MBOAT2: variants seen among roughly 807,000 people sequenced by gnomAD.
MBOAT2 encodes the protein membrane-bound glycerophospholipid O-acyltransferase 2.
Under a neutral mutation model 63.4 loss-of-function variants are expected in MBOAT2, and 28 were observed. The ratio of observed to expected loss-of-function variants is 0.44; its 90% CI spans 0.33 to 0.61. The LOEUF (loss-of-function observed/expected upper bound fraction) is 0.61. MBOAT2 is among the 20% of genes least tolerant of loss of function. The probability of loss-of-function intolerance (pLI) is 0.03; values close to 1 mark genes in which losing one functional copy is unlikely to be tolerated. For missense variants in MBOAT2, 470 were observed against 605.8 expected (o/e 0.78, Z 2.35); for synonymous variants, 211 against 215.6 (o/e 0.98, Z 0.19).
intron 1 of MBOAT2, among the ~76,000 whole-genome samples, chr2:8,971,566 G>A (rs1670459880): frequency 1.3e-5 from 2 of 152,182 alleles, no homozygotes; most frequent in African/African-American, 4.8e-5. Context: ...AGGAAAAGAG[G>A]AAGTCAAATT....
chr2:8,893,936 A>T (rs1664215747), intron 4 of MBOAT2, among the ~76,000 whole-genome samples: 1 of 152,134 alleles, frequency 6.6e-6, no homozygotes, highest in Admixed American at 6.5e-5. Context: ...CCAGCTTCTC[A>T]GCCTCAGGAA....
intron 5 of MBOAT2, among the ~76,000 whole-genome samples, chr2:8,884,094 G>C (rs1013218012): frequency 5.4e-5 from 8 of 149,468 alleles, no homozygotes; most frequent in African/African-American, 2.0e-4. Context: ...AAATTAGTTG[G>C]GTGTGGCGGC....
At chr2:8,884,768 A>T (rs1044480358) in intron 5 of MBOAT2, among the ~76,000 whole-genome samples, 1 of 152,352 alleles carries the variant, frequency 6.6e-6, no homozygotes, top group Middle Eastern at 3.4e-3. Flanking sequence ...GTAGACACAG[A>T]GCTTAAAGGA....
Position 8,943,254 on chromosome 2 carries a change from G to T in MBOAT2, c.232C>A (p.His78Asn), listed in dbSNP as rs1668176349. ...ALFCFGWYAL[H>N]FLVQSGISYC... is the part of the protein sequence containing the mutation. ...GAAATTCCACTTTGTACAAGAAAGT[G>T]TAAGGCATACCTATAAAAAGTAAGA... Residue 78 changes from histidine to asparagine, a missense_variant, in exon 3 of 13, where the codon CAC becomes AAC. Coordinates refer to ENST00000305997, the MANE Select transcript of MBOAT2 (RefSeq NM_138799.4). The T allele has an allele frequency of 9.5e-6, 15 of 1,571,860 alleles. No homozygotes were observed. Among genetic ancestry groups the T allele is most frequent in the African/African-American group, 1.3e-5 (1 of 74,234 alleles).
chr2:8,997,177 T>C (rs1271155700), intron 1 of MBOAT2, among the ~76,000 whole-genome samples: 1 of 152,248 alleles, frequency 6.6e-6, no homozygotes, highest in African/African-American at 2.4e-5. Flanking sequence ...GTCGTATTTA[T>C]GGCTGCTTTT....
chr2:8,917,973 AT>A (rs1344718041), intron 3 of MBOAT2, among the ~76,000 whole-genome samples: 1 of 152,242 alleles, frequency 6.6e-6, no homozygotes, highest in East Asian at 1.9e-4. Flanking sequence ...GACACAAAAG[AT>A]TACATAATGT....
intron 1 of MBOAT2, among the ~76,000 whole-genome samples, chr2:8,970,649 A>G (rs931680137): frequency 5.9e-5 from 9 of 152,194 alleles, no homozygotes; most frequent in African/African-American, 2.2e-4. Context: ...AAGAAATGAG[A>G]GAAGAATCAA....
chr2:8,902,995 T>G (rs1282276515), intron 4 of MBOAT2, among the ~76,000 whole-genome samples: 1 of 152,172 alleles, frequency 6.6e-6, no homozygotes, highest in Non-Finnish European at 1.5e-5. Context: ...GTCCGTTTTA[T>G]AGAGTGCTGA....
In MBOAT2 at chr2:8,862,224, G is replaced by T; in HGVS notation, c.1185+366C>A. The T allele has an allele frequency of 8.9e-7, 1 of 1,124,478 alleles. No homozygotes were observed. Among genetic ancestry groups the T allele is most frequent in the Non-Finnish European group, 1.2e-6 (1 of 859,394 alleles). The allele number at this position is 1,124,478 out of a possible 1,614,324, so 69.7% of individuals were successfully genotyped here. On this transcript the variant is annotated intron_variant, in intron 11 of 12. Coordinates refer to ENST00000305997, the MANE Select transcript of MBOAT2 (RefSeq NM_138799.4). The surrounding 1 kb of genome is among the most constrained non-coding windows in gnomAD (Gnocchi z 4.3). Reference sequence around the variant, plus strand: ...ACAGCCTAGTCTTCATCTGAGAGAGGACTCAAAGGTTACAGCTTTCAGGAA... The same window carrying T: ...ACAGCCTAGTCTTCATCTGAGAGAGTACTCAAAGGTTACAGCTTTCAGGAA...
intron 1 of MBOAT2, among the ~76,000 whole-genome samples, chr2:8,965,855 A>G (rs898009408): frequency 6.6e-6 from 1 of 152,180 alleles, no homozygotes; most frequent in Non-Finnish European, 1.5e-5. Context: ...AGCATTCTAC[A>G]CTAAGCCAAA....
At position 8,857,730 on chromosome 2, in the gene MBOAT2, A is replaced by G. The variant is rs2148501074; in HGVS notation, c.*949T>C. On this transcript the variant is annotated 3_prime_UTR_variant, in exon 13 of 13. Coordinates refer to ENST00000305997, the MANE Select transcript of MBOAT2 (RefSeq NM_138799.4). Reference sequence around the variant, plus strand: ...CAAAGCCTCTAATTCTACATAATTTATGCCTGATAAATTTAATTTAGAAGT... The same window carrying G: ...CAAAGCCTCTAATTCTACATAATTTGTGCCTGATAAATTTAATTTAGAAGT... 1 of 152,360 alleles carries G rather than the reference A, an allele frequency of 6.6e-6. No individual in the cohort carries two copies. The highest frequency in any genetic ancestry group is 1.5e-5 in the Non-Finnish European group (1 of 68,034). The allele number at this position is 152,360 out of a possible 1,614,324, so 9.4% of individuals were successfully genotyped here. A position where few individuals can be genotyped will look rare whatever the true frequency, so the allele number is the denominator to read the frequency against.
At chr2:8,973,552 T>TAAAAAAAAAAAAAAAAAAAA (rs540916253) in intron 1 of MBOAT2, among the ~76,000 whole-genome samples, 3 of 130,252 alleles carry the variant, frequency 2.3e-5, no homozygotes, top group African/African-American at 2.7e-5. Flanking sequence ...TAACTCAAGC[T>TAAAAAAAAAAAAAAAAAAAA]AAAAAAAAAA....
At chr2:8,920,839 A>G (rs547252945) in intron 3 of MBOAT2, among the ~76,000 whole-genome samples, 1 of 152,308 alleles carries the variant, frequency 6.6e-6, no homozygotes, top group African/African-American at 2.4e-5. Context: ...ATATAGAAAT[A>G]TAACTGATTT....
chr2:8,922,094 G>C (rs1336035268), intron 3 of MBOAT2, among the ~76,000 whole-genome samples: 8 of 151,934 alleles, frequency 5.3e-5, no homozygotes, highest in African/African-American at 1.9e-4. Flanking sequence ...CTTCAGATTG[G>C]CTAATACCTT....
intron 4 of MBOAT2, among the ~76,000 whole-genome samples, chr2:8,903,553 T>G (rs1333831847): frequency 6.6e-6 from 1 of 152,154 alleles, no homozygotes; most frequent in African/African-American, 2.4e-5. Context: ...CAGAACGTTT[T>G]TGCCAAAAAA....
intron 3 of MBOAT2, among the ~76,000 whole-genome samples, chr2:8,938,633 G>A (rs373422651): frequency 6.8e-6 from 1 of 146,094 alleles, no homozygotes; most frequent in Non-Finnish European, 1.5e-5. Flanking sequence ...TCATGCCACC[G>A]TCTCATGCCA....
intron 3 of MBOAT2, among the ~76,000 whole-genome samples, chr2:8,932,058 T>G (rs1157667324): frequency 6.6e-6 from 1 of 152,192 alleles, no homozygotes; most frequent in Non-Finnish European, 1.5e-5. Context: ...TTTCAGGTTC[T>G]TAGCTATTGC....
rs558952588 is a variant in MBOAT2, at chr2:8,858,426, G to A, written c.*253C>T. On this transcript the variant is annotated 3_prime_UTR_variant, in exon 13 of 13. Coordinates refer to ENST00000305997, the MANE Select transcript of MBOAT2 (RefSeq NM_138799.4). ...AACAGGGCACGCGTGTGACCCTACG[G>A]ACAAGTGCTGAGGTTGGGAGTGCCC... 6 of 408,660 alleles carry A rather than the reference G, an allele frequency of 1.5e-5. No homozygotes were observed. In the South Asian group the frequency reaches 3.2e-4, roughly 22 times the overall value. 25.3% of individuals were successfully genotyped at this position (408,660 alleles called of 1,614,324 possible).
intron 4 of MBOAT2, among the ~76,000 whole-genome samples, chr2:8,894,880 C>T (rs558970812): frequency 6.6e-6 from 1 of 151,966 alleles, no homozygotes; most frequent in Non-Finnish European, 1.5e-5. Flanking sequence ...TGGAGTTGTT[C>T]GTTCCTCCCA....
Sources: gnomAD v4.1 joint callset for allele counts (sites outside exome capture counted in the v4.1 genomes callset) on GRCh38, gnomAD v4.1.1 for gene constraint, Gnocchi (gnomAD v3.1) non-coding constraint, MANE v1.5 for transcripts, NCBI Gene and HGNC (gene_info 2026-07-23, HGNC 2026-07-21) for gene names.